THBS4: variants seen among roughly 807,000 people sequenced by gnomAD.
The protein encoded by THBS4 is thrombospondin 4, also known as thrombospondin-4.
In THBS4, 90 loss-of-function variants were observed where a neutral mutation model predicts 115.7. The observed-to-expected ratio is 0.78, with a 90% CI of 0.66 to 0.93. The LOEUF (loss-of-function observed/expected upper bound fraction) is 0.93. Among genes scored for constraint, THBS4 ranks in the 40% least tolerant of loss-of-function variants. The pLI is 0.00. For missense variants in THBS4, 1,087 were observed against 1,232.7 expected (o/e 0.88, Z 1.77); for synonymous variants, 460 against 479.3 (o/e 0.96, Z 0.53).
intron 2 of THBS4, among the ~76,000 whole-genome samples, chr5:80,017,578 G>C (rs1832276578): frequency 6.6e-6 from 1 of 152,142 alleles, no homozygotes; most frequent in African/African-American, 2.4e-5. Flanking sequence ...TTTTAGTTGA[G>C]TGTGTTAGTT....
At chr5:80,079,833 A>C (rs1743399356) in intron 19 of THBS4, 72 bp from the exon 20 acceptor site, 2 of 1,484,642 alleles carry the variant, frequency 1.3e-6, no homozygotes, top group Non-Finnish European at 1.9e-6. Context: ...CTGGATCATC[A>C]CTTCAGATCC....
Position 80,058,742 on chromosome 5 carries a change from A to G in THBS4, c.684A>G (p.Thr228=), listed in dbSNP as rs758956888. 5 of 1,614,132 alleles carry G rather than the reference A, an allele frequency of 3.1e-6. No individual in the cohort carries two copies. The Admixed American group carries it at 8.3e-5, about 27-fold the overall frequency. ...DFNRQFLGQM[T]QLNQLLGEVK... is the part of the protein sequence containing the mutation. ...ACCGGCAGTTCTTGGGTCAAATGACACAATTAAACCAACTCCTGGGAGAGG... is the reference window on the plus strand; with the variant it reads ...ACCGGCAGTTCTTGGGTCAAATGACGCAATTAAACCAACTCCTGGGAGAGG... Residue 228 remains threonine, a synonymous_variant, in exon 5 of 22, where the codon ACA becomes ACG. Coordinates refer to ENST00000350881, the MANE Select transcript of THBS4 (RefSeq NM_003248.6).
In THBS4 at chr5:80,045,515, A is replaced by G. The variant is rs963473587; in HGVS notation, c.292+5235A>G. On this transcript the variant is annotated intron_variant, in intron 2 of 21. Coordinates refer to ENST00000350881, the MANE Select transcript of THBS4 (RefSeq NM_003248.6). ...AAATGAGGGGCCTCAAACATTAATA[A>G]TAATATTTATGGAGTCTTTTTTTTT... Among the ~76,000 whole-genome samples the G allele has an allele frequency of 4.6e-5, 7 of 151,782 alleles. No individual in the cohort carries two copies. In the East Asian group the frequency reaches 1.2e-3, roughly 25 times the overall value.
chr5:80,053,940 G>T (rs1173291183), intron 2 of THBS4, among the ~76,000 whole-genome samples: 1 of 151,984 alleles, frequency 6.6e-6, no homozygotes. Context: ...ACTCACAAAG[G>T]GTCAGCTTCC....
intron 9 of THBS4, chr5:80,066,878 AAG>A (rs1429088210): frequency 6.6e-6 from 1 of 152,252 alleles, no homozygotes; most frequent in African/African-American, 2.4e-5. Flanking sequence ...GCCAAGGAAA[AAG>A]AGCAGAAGCC....
chr5:80,002,745 GAAAAAAAA>G (rs56899578), intron 2 of THBS4, among the ~76,000 whole-genome samples: 1 of 100,382 alleles, frequency 1.0e-5, no homozygotes, highest in African/African-American at 4.0e-5. Flanking sequence ...CCAGAAGGGA[GAAAAAAAA>G]AAAAAAAAAG....
intron 5 of THBS4, among the ~76,000 whole-genome samples, chr5:80,059,025 C>T (rs1409994304): frequency 1.3e-5 from 2 of 152,268 alleles, no homozygotes; most frequent in African/African-American, 4.8e-5. Context: ...GGGCTGCTAA[C>T]GCTACTGTAA....
In THBS4 at chr5:80,035,545, C is replaced by A; in HGVS notation, c.8C>A (p.Ala3Asp). 7.1e-7 allele frequency: 1 copy of A among 1,406,954 alleles called. No homozygotes were observed. Among genetic ancestry groups the A allele is most frequent in the South Asian group, 1.5e-5 (1 of 65,218 alleles). The allele number at this position is 1,406,954 out of a possible 1,614,324, so 87.2% of individuals were successfully genotyped here. A position where few individuals can be genotyped will look rare whatever the true frequency, so the allele number is the denominator to read the frequency against. MLAPRGAAVLLLH... is the reference protein window; with the variant it reads MLDPRGAAVLLLH... ...GGAGCAGGAAGAGCCAACATGCTGG[C>A]CCCGCGCGGAGCCGCCGTCCTCCTG... The change falls in exon 1 of 22, where the codon GCC (alanine) becomes GAC (aspartate). Residue 3 changes from alanine to aspartate, a missense_variant. This residue lies in a region of THBS4 where 979 missense variants were observed against 1,103.7 expected (regional missense o/e 0.89). Transcript: ENST00000350881. The surrounding 1 kb of genome is among the most constrained non-coding windows in gnomAD (Gnocchi z 4.6).
intron 17 of THBS4, among the ~76,000 whole-genome samples, chr5:80,078,521 T>C (rs1188218470): frequency 2.6e-5 from 4 of 152,226 alleles, no homozygotes; most frequent in African/African-American, 9.6e-5. Flanking sequence ...CCCACACTTC[T>C]GATCTCTGCA....
rs150404655 is a variant in THBS4, at chr5:80,070,405, A to C, written c.1447A>C (p.Lys483Gln). ...EELPCSARNC[K>Q]KDNCKYVPNS... ...ACTGCCATGCTCTGCCAGGAACTGT[A>C]AAAAGGTAAGGGGTGTGGGGTGGCA... Residue 483 changes from lysine (K) to glutamine (Q), a missense_variant, in exon 11 of 22, where the codon AAA becomes CAA. Lys to Gln is a moderately conservative substitution (Grantham distance 53). This residue lies in a region of THBS4 where 979 missense variants were observed against 1,103.7 expected (regional missense o/e 0.89). Transcript: ENST00000350881. The C allele has an allele frequency of 5.6e-5, 91 of 1,614,052 alleles. No individual in the cohort carries two copies. The African/African-American group carries it at 1.2e-3, about 21-fold the overall frequency.
At chr5:80,062,108 A>G (rs1023164101) in intron 8 of THBS4, among the ~76,000 whole-genome samples, 11 of 152,198 alleles carry the variant, frequency 7.2e-5, no homozygotes, top group Non-Finnish European at 1.2e-4. Flanking sequence ...TTTCAGTCTT[A>G]TTTTGTTGAT....
intron 2 of THBS4, among the ~76,000 whole-genome samples, chr5:80,045,815 G>A (rs1833049372): frequency 6.6e-6 from 1 of 152,152 alleles, no homozygotes; most frequent in Admixed American, 6.5e-5. Flanking sequence ...ACAGCCGTGA[G>A]CAACCATGCC....
chr5:80,022,597 C>CA (rs1204479191), intron 2 of THBS4, among the ~76,000 whole-genome samples: 5 of 152,140 alleles, frequency 3.3e-5, no homozygotes, highest in Non-Finnish European at 7.3e-5. Context: ...TGTCTCAACA[C>CA]AAAAAGGTGC....
intron 2 of THBS4, among the ~76,000 whole-genome samples, chr5:80,020,566 A>T (rs1260113422): frequency 6.6e-6 from 1 of 152,220 alleles, no homozygotes; most frequent in Non-Finnish European, 1.5e-5. Flanking sequence ...TGCATCGCTT[A>T]GTCAGAGGAC....
At chr5:80,026,554 C>T (rs185836349) in intron 2 of THBS4, among the ~76,000 whole-genome samples, 166 of 152,316 alleles carry the variant, frequency 1.1e-3, no homozygotes, top group Middle Eastern at 0.01. Flanking sequence ...GGCTCTGTTA[C>T]AACTACTCAA....
chr5:80,031,043 C>T (rs1580925340), upstream of THBS4, among the ~76,000 whole-genome samples: 1 of 152,178 alleles, frequency 6.6e-6, no homozygotes, highest in South Asian at 2.1e-4. Context: ...TCCCCACTCT[C>T]AAAATTGGGT....
At chr5:80,076,718 A>T (rs1310574508) in intron 15 of THBS4, 137 bp from the exon 16 acceptor site, 32 of 809,354 alleles carry the variant, frequency 4.0e-5, no homozygotes, top group Non-Finnish European at 5.4e-5. Context: ...ATCTAAGGGA[A>T]TGACCCCAGT....
At chr5:80,077,362 C>G (rs1743268418) in intron 16 of THBS4, among the ~76,000 whole-genome samples, 1 of 152,240 alleles carries the variant, frequency 6.6e-6, no homozygotes, top group Non-Finnish European at 1.5e-5. Flanking sequence ...GCTCCACCAT[C>G]TTACCTGTCA....
intron 8 of THBS4, among the ~76,000 whole-genome samples, 194 bp downstream of exon 8, chr5:80,062,026 G>T (rs1440965064): frequency 1.3e-5 from 2 of 152,190 alleles, no homozygotes; most frequent in Non-Finnish European, 2.9e-5. Context: ...TAGAAGGGAG[G>T]AAGCTTTTAA....
Sources: gnomAD v4.1 joint callset for allele counts (sites outside exome capture counted in the v4.1 genomes callset) on GRCh38, gnomAD v4.1.1 for gene constraint, gnomAD v4.1.1 regional missense constraint, Gnocchi (gnomAD v3.1) non-coding constraint, MANE v1.5 for transcripts, NCBI Gene and HGNC (gene_info 2026-07-23, HGNC 2026-07-21) for gene names.